The following TMC5 variants were observed in gnomAD, a reference collection of about 807,000 sequenced individuals.
The protein encoded by TMC5 is transmembrane channel-like protein 5.
In TMC5, 86 loss-of-function variants were observed where a neutral mutation model predicts 110.5. The ratio of observed to expected loss-of-function variants is 0.78; its 90% CI spans 0.65 to 0.93. The LOEUF (loss-of-function observed/expected upper bound fraction) is 0.93, where lower values mean the gene tolerates loss of function less well. TMC5 is among the 40% of genes least tolerant of loss of function. The pLI is 0.00. For synonymous variants in TMC5, 455 were observed against 439.5 expected (o/e 1.04, Z -0.44); for missense variants, 1,144 against 1,222.8 (o/e 0.94, Z 0.96).
At position 19,474,195 on chromosome 16, in the gene TMC5, C is replaced by T; in HGVS notation, c.2009C>T (p.Ala670Val). ...TTCGTTGTGTCCTGCATTAATCTGG[C>T]CGTGCCATGCATCTACTCCATGTTC... ...LPFVVSCINL[A>V]VPCIYSMFRL... The change falls in exon 12 of 22, where the codon GCC becomes GTC. Residue 670 changes from alanine to valine, a missense_variant. Coordinates refer to ENST00000542583, the MANE Select transcript of TMC5 (RefSeq NM_001261841.2). 6.2e-7 allele frequency: 1 copy of T among 1,614,020 alleles called. No individual in the cohort carries two copies. Among genetic ancestry groups the T allele is most frequent in the Non-Finnish European group, 8.5e-7 (1 of 1,179,996 alleles).
Position 19,463,366 on chromosome 16 carries a change from G to A in TMC5, c.1235G>A (p.Arg412Gln), listed in dbSNP as rs201716582. ...CCIQCLNSISRAYRRSKNSLS... is the reference protein window; with the variant it reads ...CCIQCLNSISQAYRRSKNSLS... ...ATTCAGTGTCTGAACTCCATTTCCC[G>A]GGTAAGTCAGTAAAACAGGCACAGC... Residue 412 changes from arginine to glutamine, a missense_variant and splice_region_variant, in exon 7 of 22, where the codon CGG (arginine) becomes CAG (glutamine). Transcript: ENST00000542583. The A allele has an allele frequency of 8.7e-5, 140 of 1,610,708 alleles. No homozygotes were observed. The East Asian group carries it at 2.6e-3, about 29-fold the overall frequency.
rs374448822 is a variant in TMC5 at position 19,482,794 on chromosome 16, A to G, written c.2363+1329A>G. On this transcript the variant is annotated intron_variant, in intron 15 of 21. Coordinates refer to ENST00000542583, the MANE Select transcript of TMC5 (RefSeq NM_001261841.2). ...GAGAATAGCCAACTGGTTGCAGCAA[A>G]TATTTTTACAAACTCACCTAGACAC... 2.6e-5 allele frequency among the ~76,000 whole-genome samples: 4 copies of G among 152,286 alleles called. 1 individual carries two copies. Among genetic ancestry groups the G allele is most frequent in the African/African-American group, 9.6e-5 (4 of 41,570 alleles).
upstream of TMC5, among the ~76,000 whole-genome samples, chr16:19,415,361 G>C (rs1174303373): frequency 6.6e-6 from 1 of 152,198 alleles, no homozygotes; most frequent in Non-Finnish European, 1.5e-5. Flanking sequence ...GGGGGAGGCA[G>C]TTTTGCCTCC....
chr16:19,496,233 G>A (rs1169335721), intron 20 of TMC5, among the ~76,000 whole-genome samples: 1 of 151,782 alleles, frequency 6.6e-6, no homozygotes, highest in East Asian at 1.9e-4. Flanking sequence ...AATGTTAATA[G>A]ATATTGCTAT....
At chr16:19,497,253 T>TA in intron 21 of TMC5, 90 bp downstream of exon 21, 2 of 1,348,012 alleles carry the variant, frequency 1.5e-6, no homozygotes, top group Non-Finnish European at 2.1e-6. Context: ...ATGTGTCCAT[T>TA]ACTTTTTCAG....
chr16:19,495,879 T>C (rs1290177745), intron 20 of TMC5, among the ~76,000 whole-genome samples: 1 of 151,776 alleles, frequency 6.6e-6, no homozygotes, highest in Non-Finnish European at 1.5e-5. Flanking sequence ...CCTCCTGTGA[T>C]CCCCAGCACT....
intron 1 of TMC5, among the ~76,000 whole-genome samples, chr16:19,425,133 G>A (rs1466639669): frequency 6.6e-6 from 1 of 152,098 alleles, no homozygotes; most frequent in African/African-American, 2.4e-5. Flanking sequence ...CGGAAACCTG[G>A]AATAAAGACC....
chr16:19,497,632 T>C (rs1342088913), intron 21 of TMC5, among the ~76,000 whole-genome samples: 5 of 152,154 alleles, frequency 3.3e-5, no homozygotes, highest in African/African-American at 9.7e-5. Context: ...ATGAAGACCA[T>C]AGGGACCAAG....
intron 21 of TMC5, among the ~76,000 whole-genome samples, chr16:19,497,506 G>A (rs1046167284): frequency 6.6e-6 from 1 of 152,206 alleles, no homozygotes; most frequent in Admixed American, 6.5e-5. Context: ...TTCTCACGGT[G>A]TTTCATAGGA....
Position 19,448,983 on chromosome 16 carries a change from C to T in TMC5, c.959-559C>T, listed in dbSNP as rs576788747. 8.6e-5 allele frequency among the ~76,000 whole-genome samples: 13 copies of T among 150,292 alleles called. No homozygotes were observed. The South Asian group carries it at 1.1e-3, about 12-fold the overall frequency. On this transcript the variant is annotated intron_variant, in intron 4 of 21. Transcript: ENST00000542583. ...TTCATGCCATTCTGCCCCAGCCTCC[C>T]GAGTAGCTGGGACTACAGGCGCCCG...
intron 11 of TMC5, among the ~76,000 whole-genome samples, chr16:19,473,111 C>A (rs1008919362): frequency 4.0e-5 from 6 of 151,876 alleles, no homozygotes; most frequent in African/African-American, 1.5e-4. Context: ...TTTGGGAGGC[C>A]GAGGCAGGCA....
At chr16:19,417,418 C>CA (rs34861075), upstream of TMC5, among the ~76,000 whole-genome samples, 680 of 85,060 alleles carry the variant, frequency 8.0e-3, 7 homozygotes, top group African/African-American at 0.021. Flanking sequence ...AACGCTGTCT[C>CA]AAAAAAAAAA....
chr16:19,428,440 C>G (rs1967131339), intron 1 of TMC5, among the ~76,000 whole-genome samples: 1 of 151,678 alleles, frequency 6.6e-6, no homozygotes, highest in Non-Finnish European at 1.5e-5. Context: ...TCTGAAAGTA[C>G]TGCGATTACA....
rs1419272762 is a variant in TMC5 at position 19,498,731 on chromosome 16, GAC to G, written c.*767_*768del. The stretch of plus-strand genomic sequence containing the variant: ...AATATAATCAGCGCTGGCAATTTTT[GAC>G]AGTCTCTACGGAGACTGAATAAGAA... On this transcript the variant is annotated 3_prime_UTR_variant, in exon 22 of 22. Coordinates refer to ENST00000542583, the MANE Select transcript of TMC5 (RefSeq NM_001261841.2). The G allele has an allele frequency of 1.3e-5, 2 of 152,038 alleles. No homozygotes were observed. The highest frequency in any genetic ancestry group is 4.8e-5 in the African/African-American group (2 of 41,376). The allele number at this position is 152,038 out of a possible 1,614,324, so 9.4% of individuals were successfully genotyped here. A position where few individuals can be genotyped will look rare whatever the true frequency, so the allele number is the denominator to read the frequency against.
At chr16:19,478,588 A>C (rs1375050421) in intron 13 of TMC5, among the ~76,000 whole-genome samples, 1 of 152,052 alleles carries the variant, frequency 6.6e-6, no homozygotes, top group African/African-American at 2.4e-5. Flanking sequence ...CCATTTATCC[A>C]TCCATGTATG....
chr16:19,429,232 G>C (rs1967147460), intron 1 of TMC5, among the ~76,000 whole-genome samples: 1 of 152,188 alleles, frequency 6.6e-6, no homozygotes, highest in Admixed American at 6.5e-5. Context: ...GAGTCTAAGT[G>C]TATGGCTGTG....
At chr16:19,491,533 ATTTT>A (rs71275925) in intron 18 of TMC5, among the ~76,000 whole-genome samples, 1 of 117,846 alleles carries the variant, frequency 8.5e-6, no homozygotes, top group Non-Finnish European at 1.7e-5. Flanking sequence ...TGTCTTAGGG[ATTTT>A]TTTTTTTTTT....
intron 5 of TMC5, chr16:19,456,451 C>T: frequency 1.7e-6 from 2 of 1,167,598 alleles, no homozygotes; most frequent in Non-Finnish European, 2.1e-6. Flanking sequence ...GCTACCAAGA[C>T]AGAATTCTCT....
rs371100392 is a variant in TMC5, at chr16:19,496,612, C to T, written c.2932-509C>T. On this transcript the variant is annotated intron_variant, in intron 20 of 21. Transcript: ENST00000542583. ...TGAATATCTGTGGAACGGCCAGGTG[C>T]GGTGGCTCACGCCTGTAATCCCAGC... Among the ~76,000 whole-genome samples the T allele has an allele frequency of 3.1e-3, 465 of 151,996 alleles. 4 individuals carry two copies. Among genetic ancestry groups the T allele is most frequent in the African/African-American group, 0.01 (435 of 41,458 alleles).
Sources: allele counts gnomAD v4.1 joint callset (sites outside exome capture counted in the v4.1 genomes callset), GRCh38; gene constraint gnomAD v4.1.1; transcripts MANE v1.5; gene names NCBI Gene and HGNC (gene_info 2026-07-23, HGNC 2026-07-21).